EYA2: variants seen among roughly 807,000 people sequenced by gnomAD.
The protein encoded by EYA2 is EYA transcriptional coactivator and phosphatase 2, also known as protein phosphatase EYA2.
EYA2 carries 31 observed loss-of-function variants against 69.2 expected under a neutral mutation model. The observed-to-expected ratio is 0.45, with a 90% CI of 0.34 to 0.60. The LOEUF (loss-of-function observed/expected upper bound fraction) is 0.60, where lower values mean the gene tolerates loss of function less well. EYA2 is among the 20% of genes least tolerant of loss of function. EYA2 has a pLI of 0.02. For synonymous variants in EYA2, 257 were observed against 279.4 expected, an observed-to-expected ratio of 0.92 and a Z score of 0.80; for missense variants, 622 against 701.2, an observed-to-expected ratio of 0.89 and a Z score of 1.28.
chr20:47,145,667 G>A (rs2033684947), intron 10 of EYA2, among the ~76,000 whole-genome samples: 1 of 152,186 alleles, frequency 6.6e-6, no homozygotes, highest in South Asian at 2.1e-4. Flanking sequence ...GGGAGGCCAA[G>A]GCGGGTGGAT....
At chr20:46,975,128 C>A (rs1980385101) in intron 1 of EYA2, among the ~76,000 whole-genome samples, 1 of 152,086 alleles carries the variant, frequency 6.6e-6, no homozygotes, top group African/African-American at 2.4e-5. Context: ...TATGAAGGAG[C>A]AGCACAGGGA....
chr20:47,007,577 A>G lies in EYA2; in HGVS notation c.298+2493A>G, dbSNP rs1427930415. Reference sequence around the variant, plus strand: ...CTAGAGGGTTTATAAGCAGTGGGTAATAGGATGCAACTTAGGTGGGTTTTT... The same window carrying G: ...CTAGAGGGTTTATAAGCAGTGGGTAGTAGGATGCAACTTAGGTGGGTTTTT... On this transcript the variant is annotated intron_variant, in intron 4 of 15. Transcript: ENST00000327619. 2.0e-5 allele frequency among the ~76,000 whole-genome samples: 3 copies of G among 152,080 alleles called. No homozygotes were observed. The East Asian group carries it at 5.8e-4, about 29-fold the overall frequency.
chr20:47,136,651 G>A (rs1406187770), intron 9 of EYA2, among the ~76,000 whole-genome samples: 1 of 151,606 alleles, frequency 6.6e-6, no homozygotes, highest in Non-Finnish European at 1.5e-5. Flanking sequence ...GCTGAGGCAG[G>A]AGGACTGTTT....
intron 11 of EYA2, among the ~76,000 whole-genome samples, chr20:47,170,646 CAAAA>C (rs56782816): frequency 2.4e-5 from 2 of 84,502 alleles, no homozygotes; most frequent in Admixed American, 1.4e-4. Flanking sequence ...GACTCCGTCT[CAAAA>C]AAAAAAAAAA....
intron 5 of EYA2, among the ~76,000 whole-genome samples, chr20:47,068,045 T>A (rs958629166): frequency 1.3e-5 from 2 of 152,250 alleles, no homozygotes; most frequent in Non-Finnish European, 2.9e-5. Flanking sequence ...AATAAATGAA[T>A]GAATAAAAGA....
intron 1 of EYA2, among the ~76,000 whole-genome samples, chr20:46,942,805 G>A (rs73303693): frequency 0.021 from 3,196 of 152,110 alleles, 115 homozygotes; most frequent in African/African-American, 0.071. Flanking sequence ...TCTTGCTGTC[G>A]CCTAGGCTGG....
intron 9 of EYA2, among the ~76,000 whole-genome samples, chr20:47,137,989 TG>T (rs1555830131): frequency 3.3e-5 from 3 of 92,212 alleles, no homozygotes; most frequent in Non-Finnish European, 6.2e-5. Flanking sequence ...GGGACTGTTG[TG>T]GGGTGTGGGG....
At chr20:46,925,639 C>T (rs954103808) in intron 1 of EYA2, among the ~76,000 whole-genome samples, 3 of 152,150 alleles carry the variant, frequency 2.0e-5, no homozygotes, top group Non-Finnish European at 4.4e-5. Context: ...CCCATAAAAT[C>T]GAGAACAATT....
At chr20:47,127,154 G>A (rs992340283) in intron 9 of EYA2, among the ~76,000 whole-genome samples, 1 of 151,934 alleles carries the variant, frequency 6.6e-6, no homozygotes, top group South Asian at 2.1e-4. Context: ...TGTTAACCAG[G>A]CCACCAGAAA....
intron 1 of EYA2, among the ~76,000 whole-genome samples, chr20:46,925,427 T>A (rs1171300482): frequency 6.6e-6 from 1 of 152,074 alleles, no homozygotes; most frequent in African/African-American, 2.4e-5. Context: ...TTGCAGTTCA[T>A]ATGACAAAAA....
chr20:47,118,281 T>C (rs957827132), intron 9 of EYA2, among the ~76,000 whole-genome samples: 2 of 152,222 alleles, frequency 1.3e-5, no homozygotes, highest in Non-Finnish European at 2.9e-5. Context: ...TGTTTAGTCT[T>C]TGTGGCTAAT....
chr20:47,011,881 G>T (rs1266493347), intron 4 of EYA2, among the ~76,000 whole-genome samples: 1 of 152,160 alleles, frequency 6.6e-6, no homozygotes. Context: ...TTAGTGTGAG[G>T]TTCATAAGAT....
intron 8 of EYA2, among the ~76,000 whole-genome samples, chr20:47,090,428 C>T (rs766039229): frequency 1.1e-4 from 16 of 152,074 alleles, no homozygotes; most frequent in Non-Finnish European, 1.3e-4. Context: ...TTAGTAGAGA[C>T]GAGGTTTTAC....
chr20:46,966,495 T>C (rs547451975), intron 1 of EYA2, among the ~76,000 whole-genome samples: 1 of 152,174 alleles, frequency 6.6e-6, no homozygotes, highest in East Asian at 1.9e-4. Flanking sequence ...AATTTTCTAG[T>C]AGCCTTGTTA....
intron 9 of EYA2, among the ~76,000 whole-genome samples, chr20:47,124,875 TA>T (rs11426514): frequency 1.8e-3 from 265 of 147,394 alleles, no homozygotes; most frequent in African/African-American, 4.2e-3. Context: ...CTTCAAAGAT[TA>T]AAAAAAAAAA....
chr20:46,987,849 C>G (rs1435051745), intron 1 of EYA2, among the ~76,000 whole-genome samples: 1 of 146,790 alleles, frequency 6.8e-6, no homozygotes, highest in African/African-American at 2.5e-5. Flanking sequence ...ATCACTTGAA[C>G]CTGGGAGGCA....
intron 9 of EYA2, among the ~76,000 whole-genome samples, chr20:47,119,745 T>TGC (rs1365126333): frequency 1.3e-5 from 2 of 152,126 alleles, no homozygotes; most frequent in Non-Finnish European, 2.9e-5. Context: ...AGGTGGTGGG[T>TGC]GCACAACATT....
chr20:46,978,757 G>T (rs1018468426), intron 1 of EYA2: 5 of 524,946 alleles, frequency 9.5e-6, no homozygotes, highest in African/African-American at 7.7e-5. Flanking sequence ...TGGGCAGAGA[G>T]GATGGTGGCT....
chr20:47,126,671 G>C (rs6094601), intron 9 of EYA2, among the ~76,000 whole-genome samples: 27,064 of 152,168 alleles, frequency 0.18, 2,411 homozygotes, highest in Middle Eastern at 0.24. Context: ...TAATTCCAAA[G>C]TTAATTTACT....
Sources: allele counts gnomAD v4.1 joint callset (sites outside exome capture counted in the v4.1 genomes callset), GRCh38; gene constraint gnomAD v4.1.1; transcripts MANE v1.5; gene names NCBI Gene and HGNC (gene_info 2026-07-23, HGNC 2026-07-21).